Variants in TMEM132D observed in about 807,000 individuals in gnomAD.
TMEM132D encodes mature OL transmembrane protein.
Under a neutral mutation model 62.3 loss-of-function variants are expected in TMEM132D, and 21 were observed. The ratio of observed to expected loss-of-function variants is 0.34; its 90% CI spans 0.24 to 0.49. The LOEUF is 0.49. Ranked by LOEUF, TMEM132D falls within the 20% of genes least tolerant of loss-of-function variation. The pLI is 0.99. For synonymous variants in TMEM132D, 621 were observed against 575.6 expected (o/e 1.08, Z -1.13); for missense variants, 1,346 against 1,402.8 (o/e 0.96, Z 0.65).
intron 4 of TMEM132D, among the ~76,000 whole-genome samples, chr12:129,260,799 A>C (rs1880530130): frequency 6.6e-6 from 1 of 152,194 alleles, no homozygotes; most frequent in African/African-American, 2.4e-5. Context: ...CTTCACTTAG[A>C]ATAATGGCCT....
chr12:129,489,159 G>A (rs909278660), intron 3 of TMEM132D, among the ~76,000 whole-genome samples: 11 of 152,216 alleles, frequency 7.2e-5, no homozygotes, highest in African/African-American at 2.7e-4. Flanking sequence ...TTAAAATTAT[G>A]TTGAAGGATT....
At chr12:129,376,034 C>A (rs1870770448) in intron 3 of TMEM132D, among the ~76,000 whole-genome samples, 1 of 152,114 alleles carries the variant, frequency 6.6e-6, no homozygotes. Flanking sequence ...AACAGTGATG[C>A]TTGGTTGGAA....
intron 4 of TMEM132D, among the ~76,000 whole-genome samples, chr12:129,235,879 T>C (rs1879765611): frequency 6.6e-6 from 1 of 152,162 alleles, no homozygotes; most frequent in African/African-American, 2.4e-5. Context: ...AACATTTCTA[T>C]GAGAAATGCC....
At chr12:129,858,905 G>T (rs1472507029) in intron 1 of TMEM132D, among the ~76,000 whole-genome samples, 1 of 134,122 alleles carries the variant, frequency 7.5e-6, no homozygotes, top group Non-Finnish European at 1.6e-5. Flanking sequence ...AGAGTCCGGG[G>T]GATGGGATGG....
At chr12:129,455,176 G>A (rs1253001392) in intron 3 of TMEM132D, among the ~76,000 whole-genome samples, 1 of 152,160 alleles carries the variant, frequency 6.6e-6, no homozygotes, top group Non-Finnish European at 1.5e-5. Flanking sequence ...TTCAAAGACA[G>A]GCTATAAAGC....
intron 2 of TMEM132D, among the ~76,000 whole-genome samples, chr12:129,675,742 C>T (rs1288338148): frequency 3.3e-5 from 5 of 152,062 alleles, no homozygotes; most frequent in Non-Finnish European, 5.9e-5. Flanking sequence ...ATTCCAGCAA[C>T]GCTGCCTAAT....
intron 3 of TMEM132D, among the ~76,000 whole-genome samples, chr12:129,370,073 T>TGTCTTCTG (rs1398398110): frequency 6.6e-6 from 1 of 152,214 alleles, no homozygotes; most frequent in African/African-American, 2.4e-5. Context: ...ATAGGGTCAG[T>TGTCTTCTG]GTCTTCTGGT....
intron 3 of TMEM132D, among the ~76,000 whole-genome samples, chr12:129,457,791 A>C (rs1044538556): frequency 1.3e-5 from 2 of 152,142 alleles, no homozygotes; most frequent in African/African-American, 4.8e-5. Context: ...AGATCTCATG[A>C]GAACTCACTC....
At chr12:129,666,397 A>T (rs1190966056) in intron 2 of TMEM132D, among the ~76,000 whole-genome samples, 1 of 62,824 alleles carries the variant, frequency 1.6e-5, no homozygotes, top group African/African-American at 4.4e-5. Context: ...GTATTTTGTC[A>T]GAAAAATAGA....
At chr12:129,538,397 T>C (rs1302641798) in intron 2 of TMEM132D, among the ~76,000 whole-genome samples, 3 of 152,150 alleles carry the variant, frequency 2.0e-5, no homozygotes, top group East Asian at 3.9e-4. Flanking sequence ...TAGAGTATGA[T>C]ATGAATGGGG....
chr12:129,246,221 A>G (rs111900966), intron 4 of TMEM132D, among the ~76,000 whole-genome samples: 2,836 of 152,300 alleles, frequency 0.019, 82 homozygotes, highest in African/African-American at 0.061. Context: ...CATACTCAAC[A>G]TCAGCTGTGA....
At chr12:129,194,590 G>A (rs949654710) in intron 5 of TMEM132D, among the ~76,000 whole-genome samples, 1 of 152,058 alleles carries the variant, frequency 6.6e-6, no homozygotes, top group South Asian at 2.1e-4. Context: ...AAACCTTCAC[G>A]TGTACCCCCA....
chr12:129,151,202 T>C (rs1490452327), intron 5 of TMEM132D, among the ~76,000 whole-genome samples: 1 of 152,192 alleles, frequency 6.6e-6, no homozygotes, highest in Admixed American at 6.5e-5. Flanking sequence ...GAACACAGCC[T>C]GCCTCTGCCA....
At chr12:129,079,214 C>T (rs779550165) in intron 7 of TMEM132D, among the ~76,000 whole-genome samples, 2 of 152,142 alleles carry the variant, frequency 1.3e-5, no homozygotes, top group Non-Finnish European at 2.9e-5. Context: ...AACCAATGTG[C>T]AACTAGAAGG....
At chr12:129,493,658 T>C (rs1219724734) in intron 3 of TMEM132D, among the ~76,000 whole-genome samples, 1 of 152,208 alleles carries the variant, frequency 6.6e-6, no homozygotes, top group Non-Finnish European at 1.5e-5. Context: ...TATCATGTGC[T>C]AGGCTCTATT....
At chr12:129,318,191 T>C (rs1046526794) in intron 4 of TMEM132D, among the ~76,000 whole-genome samples, 3 of 152,148 alleles carry the variant, frequency 2.0e-5, no homozygotes, top group Non-Finnish European at 4.4e-5. Flanking sequence ...TGAACTAGCA[T>C]GATTTTCGAA....
rs557258846 is a variant in TMEM132D at position 129,461,065 on chromosome 12, G to A, written c.1115+69994C>T. Among the ~76,000 whole-genome samples, 261 of 152,286 alleles carry A rather than the reference G, an allele frequency of 1.7e-3. 1 individual carries two copies. The highest frequency in any genetic ancestry group is 5.3e-3 in the African/African-American group (221 of 41,568). ...TCCCAGTATGGGTTAGAATAATGGC[G>A]GAGCTGGAAGTTTTAATGCTACTCT... On this transcript the variant is annotated intron_variant, in intron 3 of 8. Transcript: ENST00000422113.
chr12:129,650,612 A>G (rs1020977784), intron 2 of TMEM132D, among the ~76,000 whole-genome samples: 2 of 152,184 alleles, frequency 1.3e-5, no homozygotes, highest in South Asian at 4.1e-4. Context: ...TTCATCACCA[A>G]CAACTGGTGT....
intron 4 of TMEM132D, among the ~76,000 whole-genome samples, chr12:129,295,306 C>T (rs1881545327): frequency 6.6e-6 from 1 of 151,900 alleles, no homozygotes; most frequent in Admixed American, 6.6e-5. Flanking sequence ...CTGCCGGCTA[C>T]ACACTATGGA....
Sources: gnomAD v4.1 joint callset for allele counts (sites outside exome capture counted in the v4.1 genomes callset) on GRCh38, gnomAD v4.1.1 for gene constraint, MANE v1.5 for transcripts, NCBI Gene and HGNC (gene_info 2026-07-23, HGNC 2026-07-21) for gene names.